Variants in PIEZO2 observed in about 807,000 individuals in gnomAD.
PIEZO2 encodes the protein piezo type mechanosensitive ion channel component 2, also known as piezo-type mechanosensitive ion channel component 2.
In PIEZO2, 172 loss-of-function variants were observed where a neutral mutation model predicts 337.3. That is an observed-to-expected ratio of 0.51 (90% CI 0.45 to 0.58). The LOEUF (loss-of-function observed/expected upper bound fraction) is 0.58, where lower values mean the gene tolerates loss of function less well. Among genes scored for constraint, PIEZO2 ranks in the 20% least tolerant of loss-of-function variants. The pLI is 0.00. For missense variants in PIEZO2, 3,028 were observed against 3,391.3 expected (o/e 0.89, Z 2.66); for synonymous variants, 1,251 against 1,228.5 (o/e 1.02, Z -0.38).
At chr18:10,933,884 G>C (rs1222200105) in intron 3 of PIEZO2, among the ~76,000 whole-genome samples, 1 of 152,208 alleles carries the variant, frequency 6.6e-6, no homozygotes, top group Non-Finnish European at 1.5e-5. Flanking sequence ...CCCTGCACAA[G>C]CTCCCTCTTG....
At chr18:10,948,486 T>A (rs760115518) in intron 3 of PIEZO2, among the ~76,000 whole-genome samples, 1 of 152,228 alleles carries the variant, frequency 6.6e-6, no homozygotes, top group African/African-American at 2.4e-5. Flanking sequence ...CTTAATTTGT[T>A]GCATTGATGA....
chr18:10,721,213 G>A (rs1598399247), intron 36 of PIEZO2, among the ~76,000 whole-genome samples: 1 of 152,128 alleles, frequency 6.6e-6, no homozygotes, highest in South Asian at 2.1e-4. Context: ...GACCTTATTT[G>A]CTCCTCTGTA....
chr18:10,956,862 G>A (rs1431786377), intron 3 of PIEZO2, among the ~76,000 whole-genome samples: 1 of 151,568 alleles, frequency 6.6e-6, no homozygotes, highest in African/African-American at 2.4e-5. Flanking sequence ...CCAGCTACTC[G>A]GGAGGCTTAG....
At chr18:10,970,885 G>A (rs944138576) in intron 3 of PIEZO2, among the ~76,000 whole-genome samples, 1 of 152,182 alleles carries the variant, frequency 6.6e-6, no homozygotes, top group East Asian at 1.9e-4. Context: ...TCAAAGATGG[G>A]AGCATATCTG....
chr18:10,983,625 G>C (rs964287465), intron 2 of PIEZO2, among the ~76,000 whole-genome samples: 1 of 151,986 alleles, frequency 6.6e-6, no homozygotes, highest in African/African-American at 2.4e-5. Flanking sequence ...CTACTAATCA[G>C]CTCATAGACT....
At chr18:10,754,981 T>G (rs1275723997) in intron 27 of PIEZO2, among the ~76,000 whole-genome samples, 2 of 152,138 alleles carry the variant, frequency 1.3e-5, no homozygotes, top group African/African-American at 4.8e-5. Context: ...GTGCAAAGCT[T>G]GGAACAGAGC....
chr18:11,046,881 G>A (rs2037337301), intron 2 of PIEZO2, among the ~76,000 whole-genome samples: 1 of 152,222 alleles, frequency 6.6e-6, no homozygotes, highest in Non-Finnish European at 1.5e-5. Flanking sequence ...ATGTACAGGG[G>A]CATCTGTGGG....
At chr18:10,887,580 T>C (rs1434042954) in intron 4 of PIEZO2, among the ~76,000 whole-genome samples, 2 of 152,154 alleles carry the variant, frequency 1.3e-5, no homozygotes, top group South Asian at 2.1e-4. Flanking sequence ...GAAACCAGCA[T>C]TGACACAACA....
rs1357731573 is a variant in PIEZO2, at chr18:11,031,132, G to A, written c.160+34995C>T. 1.3e-5 allele frequency among the ~76,000 whole-genome samples: 2 copies of A among 151,746 alleles called. No individual in the cohort carries two copies. Among genetic ancestry groups the A allele is most frequent in the African/African-American group, 4.8e-5 (2 of 41,298 alleles). On this transcript the variant is annotated intron_variant, in intron 2 of 55. Transcript: ENST00000674853. This position sits in a 1 kb window ranked among gnomAD's most constrained non-coding sequence, Gnocchi z 4.7. ...AGCCTCTCGAGTTTCTGGGACTACA[G>A]GCGCCTGCCACCATGCCTGGCTAAT...
rs983831188 is a variant in PIEZO2, at chr18:11,148,833, C to G, written c.-245G>C. The G allele has an allele frequency of 4.6e-6, 2 of 436,396 alleles. No homozygotes were observed. The highest frequency in any genetic ancestry group is 4.2e-5 in the African/African-American group (2 of 48,002). The allele number at this position is 436,396 out of a possible 1,614,324, so 27.0% of individuals were successfully genotyped here. A position where few individuals can be genotyped will look rare whatever the true frequency, so the allele number is the denominator to read the frequency against. On this transcript the variant is annotated 5_prime_UTR_variant, in exon 1 of 56. Coordinates refer to ENST00000674853, the MANE Select transcript of PIEZO2 (RefSeq NM_001378183.1). The surrounding 1 kb of genome is among the most constrained non-coding windows in gnomAD (Gnocchi z 5.2). The stretch of plus-strand genomic sequence containing the variant: ...GGCTCTTGGCGGCCACCTAGCCCGG[C>G]GCCCGGCCCCCTGCGGCCGGCCCAT...
chr18:10,905,293 A>G (rs531429498), intron 4 of PIEZO2, among the ~76,000 whole-genome samples: 6 of 152,314 alleles, frequency 3.9e-5, no homozygotes, highest in East Asian at 3.9e-4. Context: ...TTATAAACTT[A>G]CAAGGTTGGC....
At position 10,847,913 on chromosome 18, in the gene PIEZO2, C is replaced by T. The variant is rs796743676; in HGVS notation, c.917+7440G>A. On this transcript the variant is annotated intron_variant, in intron 7 of 55. Coordinates refer to ENST00000674853, the MANE Select transcript of PIEZO2 (RefSeq NM_001378183.1). This position sits in a 1 kb window ranked among gnomAD's most constrained non-coding sequence, Gnocchi z 5.7. ...GGGAAAGTGGTAGCTTGGTTGGGTT[C>T]ATTTGCATTCCTTAGCATTATAATA... is the stretch of plus-strand genomic sequence containing the variant. Among the ~76,000 whole-genome samples the T allele has an allele frequency of 1.3e-5, 2 of 152,302 alleles. No homozygotes were observed. Among genetic ancestry groups the T allele is most frequent in the African/African-American group, 4.8e-5 (2 of 41,580 alleles).
At chr18:10,814,956 A>C (rs1199879801) in intron 7 of PIEZO2, among the ~76,000 whole-genome samples, 2 of 152,190 alleles carry the variant, frequency 1.3e-5, no homozygotes, top group African/African-American at 4.8e-5. Flanking sequence ...TGAAGATATA[A>C]AGCTAGCAAT....
At position 10,708,592 on chromosome 18, in the gene PIEZO2, G is replaced by C. The variant is rs375565304; in HGVS notation, c.5424-153C>G. Among the ~76,000 whole-genome samples, 43 of 152,260 alleles carry C rather than the reference G, an allele frequency of 2.8e-4. 1 individual carries two copies. Among genetic ancestry groups the C allele is most frequent in the African/African-American group, 9.4e-4 (39 of 41,556 alleles). On this transcript the variant is annotated intron_variant, in intron 39 of 55. Transcript: ENST00000674853. ...GAAGGCCACCGCAGCGGGGCTCAGG[G>C]ATGGGGATGGACCTGTGTGCAGGAC... is the stretch of plus-strand genomic sequence containing the variant.
rs934562489 is a variant in PIEZO2, at chr18:11,028,404, G to A, written c.160+37723C>T. Among the ~76,000 whole-genome samples the A allele has an allele frequency of 6.6e-6, 1 of 152,048 alleles. No homozygotes were observed. Among genetic ancestry groups the A allele is most frequent in the African/African-American group, 2.4e-5 (1 of 41,392 alleles). ...GCCTCCTGAGTAGCTGGAAGTACAG[G>A]CACGCACATCCACACCTGGGTAATT... On this transcript the variant is annotated intron_variant, in intron 2 of 55. Coordinates refer to ENST00000674853, the MANE Select transcript of PIEZO2 (RefSeq NM_001378183.1). This position sits in a 1 kb window ranked among gnomAD's most constrained non-coding sequence, Gnocchi z 4.8.
Position 11,148,704 on chromosome 18 carries a change from C to G in PIEZO2, c.-116G>C, listed in dbSNP as rs965149867. ...TCGCCGCCGGCAGCTCGCAGCCACC[C>G]GAGCATCGCCTCGGCGCGGGCCGCG... On this transcript the variant is annotated 5_prime_UTR_variant, in exon 1 of 56. Coordinates refer to ENST00000674853, the MANE Select transcript of PIEZO2 (RefSeq NM_001378183.1). The surrounding 1 kb of genome is among the most constrained non-coding windows in gnomAD (Gnocchi z 5.2). 4.1e-5 allele frequency: 46 copies of G among 1,126,486 alleles called. No individual in the cohort carries two copies. Among genetic ancestry groups the G allele is most frequent in the Middle Eastern group, 2.7e-4 (1 of 3,756 alleles). 69.8% of individuals were successfully genotyped at this position (1,126,486 alleles called of 1,614,324 possible). A position where few individuals can be genotyped will look rare whatever the true frequency, so the allele number is the denominator to read the frequency against.
rs1351206420 is a variant in PIEZO2, at chr18:10,676,114, T to C, written c.8082-826A>G. ...TGAGAGGTGAAGAGAGATGGTGGCC[T>C]GGACCTCGAGTGACCTCTGCCTCCC... On this transcript the variant is annotated intron_variant, in intron 53 of 55. Transcript: ENST00000674853. The surrounding 1 kb of genome is among the most constrained non-coding windows in gnomAD (Gnocchi z 5.1). 6.6e-6 allele frequency among the ~76,000 whole-genome samples: 1 copy of C among 152,210 alleles called. No homozygotes were observed. Among genetic ancestry groups the C allele is most frequent in the East Asian group, 1.9e-4 (1 of 5,200 alleles).
In PIEZO2 at chr18:10,853,686, G is replaced by T. The variant is rs1339065995; in HGVS notation, c.917+1667C>A. ...ACTGATCACCTAGTTTAAATAATTT[G>T]ATTTGTCTTCTCTCTGTTAACTATT... is the stretch of plus-strand genomic sequence containing the variant. On this transcript the variant is annotated intron_variant, in intron 7 of 55. Coordinates refer to ENST00000674853, the MANE Select transcript of PIEZO2 (RefSeq NM_001378183.1). The surrounding 1 kb of genome is among the most constrained non-coding windows in gnomAD (Gnocchi z 4.2). Among the ~76,000 whole-genome samples the T allele has an allele frequency of 6.6e-6, 1 of 152,046 alleles. No homozygotes were observed. The highest frequency in any genetic ancestry group is 1.5e-5 in the Non-Finnish European group (1 of 68,000).
At chr18:10,925,086 T>C (rs1434963741) in intron 3 of PIEZO2, among the ~76,000 whole-genome samples, 1 of 152,142 alleles carries the variant, frequency 6.6e-6, no homozygotes, top group African/African-American at 2.4e-5. Flanking sequence ...GGCCTGGTGG[T>C]TTATAGTTCT....
Sources: gnomAD v4.1 joint callset for allele counts (sites outside exome capture counted in the v4.1 genomes callset) on GRCh38, gnomAD v4.1.1 for gene constraint, Gnocchi (gnomAD v3.1) non-coding constraint, MANE v1.5 for transcripts, NCBI Gene and HGNC (gene_info 2026-07-23, HGNC 2026-07-21) for gene names.